MEIOSIN: variants seen among roughly 807,000 people sequenced by gnomAD.
The protein encoded by MEIOSIN is meiosis initiator.
Under a neutral mutation model 23.4 loss-of-function variants are expected in MEIOSIN, and 18 were observed. That is an observed-to-expected ratio of 0.77 (90% CI 0.53 to 1.14). MEIOSIN has a LOEUF of 1.14. MEIOSIN is among the 50% of genes most tolerant of loss of function. The pLI is 0.00. For synonymous variants in MEIOSIN, 187 were observed against 100.6 expected (o/e 1.86, Z -5.14); for missense variants, 428 against 242.9 (o/e 1.76, Z -5.07).
At position 45,762,189 on chromosome 19, in the gene MEIOSIN, T is replaced by C. The variant is rs1600393284; in HGVS notation, c.1679+6T>C. On this transcript the variant is annotated splice_donor_region_variant and intron_variant, in intron 13 of 14. Coordinates refer to ENST00000457052, the MANE Select transcript of MEIOSIN (RefSeq NM_001310124.2). ...AACCGGAAGCAGTACATCCGGTGGG[T>C]AGGGGGTCGTCTTTGGCCCTGGGGA... 7.4e-6 allele frequency: 3 copies of C among 404,952 alleles called. No homozygotes were observed. Among genetic ancestry groups the C allele is most frequent in the Non-Finnish European group, 1.3e-5 (3 of 230,126 alleles). 25.1% of individuals were successfully genotyped at this position (404,952 alleles called of 1,614,324 possible).
intron 13 of MEIOSIN, 29 bp downstream of exon 13, chr19:45,762,212 G>C (rs997525752): frequency 2.2e-5 from 9 of 404,230 alleles, no homozygotes; most frequent in Non-Finnish European, 3.5e-5. Flanking sequence ...TTGGCCCTGG[G>C]GAAGGCCCTG....
chr19:45,744,722 C>G (rs1323367327), intron 3 of MEIOSIN, among the ~76,000 whole-genome samples: 1 of 152,116 alleles, frequency 6.6e-6, no homozygotes, highest in Non-Finnish European at 1.5e-5. Context: ...ATTCTCCTGC[C>G]TCAGCCTCCC....
intron 11 of MEIOSIN, among the ~76,000 whole-genome samples, chr19:45,759,925 C>T (rs1046760448): frequency 2.6e-5 from 4 of 152,014 alleles, no homozygotes; most frequent in African/African-American, 7.2e-5. Context: ...CCTCAGCCCC[C>T]CTAGTAGCTG....
chr19:45,737,670 C>T (rs1316274977), intron 2 of MEIOSIN, among the ~76,000 whole-genome samples: 2 of 151,768 alleles, frequency 1.3e-5, no homozygotes, highest in African/African-American at 2.4e-5. Context: ...TGGTGGCTCA[C>T]ACCTATAATC....
intron 3 of MEIOSIN, among the ~76,000 whole-genome samples, chr19:45,741,867 A>ATTAT (rs1166466268): frequency 2.6e-5 from 4 of 151,786 alleles, no homozygotes; most frequent in South Asian, 2.1e-4. Context: ...TATTTTATTT[A>ATTAT]TTATTTATTT....
At chr19:45,749,373 C>CAAAAA (rs750228351) in intron 4 of MEIOSIN, among the ~76,000 whole-genome samples, 1 of 55,662 alleles carries the variant, frequency 1.8e-5, no homozygotes, top group Non-Finnish European at 3.2e-5. Flanking sequence ...GACCCTGTCT[C>CAAAAA]AAAAAAAAAA....
At position 45,739,660 on chromosome 19, in the gene MEIOSIN, G is replaced by T. The variant is rs1360317872; in HGVS notation, c.106G>T (p.Asp36Tyr). Reference protein sequence around the residue: ...LVLCSLVEGEDKVNPSEPHGL... With the variant: ...LVLCSLVEGEYKVNPSEPHGL... ...TTTGTGCTCCCTAGTGGAAGGGGAA[G>T]ATAAGGTCAACCCCTCCGAACCACA... The change falls in exon 3 of 15, where the codon GAT becomes TAT. Residue 36 changes from aspartate (D) to tyrosine (Y), a missense_variant. Coordinates refer to ENST00000457052, the MANE Select transcript of MEIOSIN (RefSeq NM_001310124.2). 1.4e-6 allele frequency: 1 copy of T among 703,230 alleles called. No homozygotes were observed. The highest frequency in any genetic ancestry group is 1.7e-5 in the African/African-American group (1 of 57,234). The allele number at this position is 703,230 out of a possible 1,614,324, so 43.6% of individuals were successfully genotyped here.
At chr19:45,761,623 G>T (rs1022317518) in intron 11 of MEIOSIN, 56 bp from the exon 12 acceptor site, 1 of 680,590 alleles carries the variant, frequency 1.5e-6, no homozygotes, top group Admixed American at 2.1e-5. Flanking sequence ...AGTACTGGGG[G>T]GATGAAGGGG....
chr19:45,762,773 G>C (rs1405842321), intron 13 of MEIOSIN, among the ~76,000 whole-genome samples: 1 of 152,162 alleles, frequency 6.6e-6, no homozygotes, highest in Non-Finnish European at 1.5e-5. Context: ...ATATAACCTA[G>C]AAAACAAGGG....
chr19:45,754,482 G>A lies in MEIOSIN; in HGVS notation c.560G>A (p.Ser187Asn), dbSNP rs1441734246. Residue 187 changes from serine to asparagine, a missense_variant, in exon 7 of 15, where the codon AGC becomes AAC. Coordinates refer to ENST00000457052, the MANE Select transcript of MEIOSIN (RefSeq NM_001310124.2). ...ACCTGAACCTCTGCTCCCCCAGAAA[G>A]CCAGACTCGGACCCCGAAGCCTCGC... ...RKKKLTQASE[S>N]QTRTPKPRRS... 1 of 701,950 alleles carries A rather than the reference G, an allele frequency of 1.4e-6. No individual in the cohort carries two copies. Among genetic ancestry groups the A allele is most frequent in the Admixed American group, 2.0e-5 (1 of 49,932 alleles). 43.5% of individuals were successfully genotyped at this position (701,950 alleles called of 1,614,324 possible). A position where few individuals can be genotyped will look rare whatever the true frequency, so the allele number is the denominator to read the frequency against.
chr19:45,743,584 C>T (rs533558635), intron 3 of MEIOSIN, among the ~76,000 whole-genome samples: 2 of 152,126 alleles, frequency 1.3e-5, no homozygotes, highest in East Asian at 1.9e-4. Flanking sequence ...TGCAGTGGTG[C>T]GATCTTGGCT....
chr19:45,754,242 G>A (rs1405999564), intron 6 of MEIOSIN, among the ~76,000 whole-genome samples: 1 of 152,168 alleles, frequency 6.6e-6, no homozygotes, highest in Non-Finnish European at 1.5e-5. Flanking sequence ...CTCCCAAAGC[G>A]CTGGGATTAC....
intron 5 of MEIOSIN, among the ~76,000 whole-genome samples, chr19:45,751,452 C>T (rs553119654): frequency 1.3e-5 from 2 of 152,032 alleles, no homozygotes; most frequent in East Asian, 3.9e-4. Context: ...TAGTCCCTGC[C>T]AAACCTCCCC....
chr19:45,737,265 G>A (rs1600373762), intron 2 of MEIOSIN, among the ~76,000 whole-genome samples: 3 of 150,718 alleles, frequency 2.0e-5, no homozygotes, highest in Admixed American at 1.3e-4. Context: ...CTGCAGCCTC[G>A]ACCTTCTGGG....
chr19:45,744,199 T>C (rs1476132900), intron 3 of MEIOSIN, among the ~76,000 whole-genome samples: 1 of 151,404 alleles, frequency 6.6e-6, no homozygotes, highest in East Asian at 2.0e-4. Flanking sequence ...TTTGTATTTT[T>C]AGTAGAGATG....
Position 45,764,362 on chromosome 19 carries a change from T to C in MEIOSIN, c.*244T>C, listed in dbSNP as rs1001187469. The C allele has an allele frequency of 3.2e-5, 12 of 380,260 alleles. No homozygotes were observed. The highest frequency in any genetic ancestry group is 5.1e-5 in the Non-Finnish European group (11 of 214,728). 23.6% of individuals were successfully genotyped at this position (380,260 alleles called of 1,614,324 possible). On this transcript the variant is annotated 3_prime_UTR_variant, in exon 15 of 15. Transcript: ENST00000457052. ...CTTAGGAAGGAAACCCAAAATGAAA[T>C]GCGGGGTGTCGGAAGGTGAAGTTTA...
At chr19:45,752,963 G>A (rs544282904) in intron 5 of MEIOSIN, among the ~76,000 whole-genome samples, 5 of 125,968 alleles carry the variant, frequency 4.0e-5, no homozygotes, top group African/African-American at 9.4e-5. Flanking sequence ...CGCTCTTTTC[G>A]CCCAGGCTGG....
chr19:45,753,112 G>T (rs1968748425), intron 5 of MEIOSIN, among the ~76,000 whole-genome samples: 1 of 152,034 alleles, frequency 6.6e-6, no homozygotes, highest in Non-Finnish European at 1.5e-5. Context: ...GACATGTAGT[G>T]TTGAGGACTG....
rs376852364 is a variant in MEIOSIN, at chr19:45,755,274, C to T, written c.802+550C>T. ...AAGCGACTCTCCTGCCTCAGTCTCACGAGTAGCTGGGATTACAGGCGCGCA... is the reference window on the plus strand; with the variant it reads ...AAGCGACTCTCCTGCCTCAGTCTCATGAGTAGCTGGGATTACAGGCGCGCA... On this transcript the variant is annotated intron_variant, in intron 7 of 14. Coordinates refer to ENST00000457052, the MANE Select transcript of MEIOSIN (RefSeq NM_001310124.2). 2.9e-3 allele frequency among the ~76,000 whole-genome samples: 440 copies of T among 150,594 alleles called. 4 individuals carry two copies. The highest frequency in any genetic ancestry group is 0.01 in the African/African-American group (410 of 40,924).
Sources: gnomAD v4.1 joint callset for allele counts (sites outside exome capture counted in the v4.1 genomes callset) on GRCh38, gnomAD v4.1.1 for gene constraint, MANE v1.5 for transcripts, NCBI Gene and HGNC (gene_info 2026-07-23, HGNC 2026-07-21) for gene names.